Variants in ZNF609 observed in about 807,000 individuals in gnomAD.
ZNF609 encodes the protein zinc finger protein 609.
ZNF609 carries 11 observed loss-of-function variants against 109.5 expected under a neutral mutation model. That is an observed-to-expected ratio of 0.10 (90% CI 0.06 to 0.17). The LOEUF (loss-of-function observed/expected upper bound fraction) is 0.17, where lower values mean the gene tolerates loss of function less well. ZNF609 is among the 10% of genes least tolerant of loss of function. ZNF609 has a pLI of 1.00. For missense variants in ZNF609, 1,559 were observed against 1,772.4 expected, an observed-to-expected ratio of 0.88 and a Z score of 2.16; for synonymous variants, 646 against 662.0, an observed-to-expected ratio of 0.98 and a Z score of 0.37.
intron 2 of ZNF609, among the ~76,000 whole-genome samples, chr15:64,599,182 T>G (rs1277503417): frequency 6.8e-6 from 1 of 147,980 alleles, no homozygotes; most frequent in African/African-American, 2.5e-5. Context: ...TTTTTTTTTT[T>G]TTTTTTTTTT....
intron 3 of ZNF609, among the ~76,000 whole-genome samples, chr15:64,633,294 T>C (rs1188777340): frequency 1.3e-5 from 2 of 152,110 alleles, no homozygotes; most frequent in Non-Finnish European, 2.9e-5. Flanking sequence ...ACTACAGGCA[T>C]GTGCCACCCC....
intron 2 of ZNF609, among the ~76,000 whole-genome samples, chr15:64,611,299 C>T (rs1385374022): frequency 6.6e-6 from 1 of 152,140 alleles, no homozygotes; most frequent in East Asian, 1.9e-4. Flanking sequence ...AGTTAATAAG[C>T]TTTGCTGAAG....
intron 2 of ZNF609, among the ~76,000 whole-genome samples, chr15:64,567,880 C>T (rs1245637462): frequency 6.6e-6 from 1 of 152,036 alleles, no homozygotes; most frequent in Non-Finnish European, 1.5e-5. Context: ...CCAGGATGGT[C>T]TCGATCTCCT....
At chr15:64,508,347 A>T (rs1893666016) in intron 2 of ZNF609, among the ~76,000 whole-genome samples, 1 of 152,146 alleles carries the variant, frequency 6.6e-6, no homozygotes, top group Non-Finnish European at 1.5e-5. Flanking sequence ...AAGTTTATAA[A>T]TATTCTGTCC....
At position 64,678,440 on chromosome 15, in the gene ZNF609, A is replaced by G; in HGVS notation, c.3727A>G (p.Ser1243Gly). 6.2e-7 allele frequency: 1 copy of G among 1,605,412 alleles called. No homozygotes were observed. The highest frequency in any genetic ancestry group is 8.5e-7 in the Non-Finnish European group (1 of 1,175,374). The change falls in exon 6 of 10, where the codon AGC (serine) becomes GGC (glycine). Residue 1243 changes from serine to glycine, a missense_variant. Ser to Gly is a moderately conservative substitution (Grantham distance 56). Around this residue, in one of 4 missense-constraint regions of ZNF609, gnomAD observed 1,204 missense variants for 1,314.1 expected, o/e 0.92. Transcript: ENST00000326648. The part of the protein sequence containing the change: ...YSQSYDPNHP[S>G]YRSMPAVMMQ... ...TCAGTCCTACGACCCCAACCACCCC[A>G]GCTACCGGAGCATGCCTGCTGTGAT...
intron 1 of ZNF609, among the ~76,000 whole-genome samples, chr15:64,477,623 C>T (rs1596377238): frequency 7.0e-6 from 1 of 142,650 alleles, no homozygotes; most frequent in South Asian, 2.2e-4. Context: ...GTCTTATTTC[C>T]TTTTTTTTTT....
At chr15:64,644,992 TCTTTCTTTCTTTCTTTCTTC>T (rs1896310199) in intron 3 of ZNF609, among the ~76,000 whole-genome samples, 2 of 150,738 alleles carry the variant, frequency 1.3e-5, no homozygotes, top group African/African-American at 4.9e-5. Context: ...TTTCTTTCTT[TCTTTCTTTCTTTCTTTCTTC>T]CTTCCTTCCT....
In ZNF609 at chr15:64,500,125, G is replaced by A; in HGVS notation, c.706G>A (p.Glu236Lys). 1 of 1,613,964 alleles carries A rather than the reference G, an allele frequency of 6.2e-7. No homozygotes were observed. Among genetic ancestry groups the A allele is most frequent in the South Asian group, 1.1e-5 (1 of 91,076 alleles). ...LGTKPEPEEG[E>K]NECRLLKKVK... ...AACTAAACCGGAGCCAGAGGAAGGG[G>A]AGAATGAGTGTCGCCTGCTAAAGAA... Residue 236 changes from glutamate to lysine, a missense_variant, in exon 2 of 10, where the codon GAG (glutamate) becomes AAG (lysine). Coordinates refer to ENST00000326648, the MANE Select transcript of ZNF609 (RefSeq NM_015042.2).
At chr15:64,605,735 CTT>C (rs750562675) in intron 2 of ZNF609, among the ~76,000 whole-genome samples, 16 of 134,234 alleles carry the variant, frequency 1.2e-4, no homozygotes, top group South Asian at 2.4e-4. Context: ...CTTTTTCTTT[CTT>C]TTTTTTTTTT....
At chr15:64,515,662 C>T (rs774513980) in intron 2 of ZNF609, among the ~76,000 whole-genome samples, 35 of 152,084 alleles carry the variant, frequency 2.3e-4, no homozygotes, top group Non-Finnish European at 4.9e-4. Context: ...TAAGGCTGGG[C>T]GCAGTGGCTC....
chr15:64,567,508 T>TA (rs2140410363), intron 2 of ZNF609, among the ~76,000 whole-genome samples: 1 of 151,988 alleles, frequency 6.6e-6, no homozygotes, highest in South Asian at 2.1e-4. Flanking sequence ...ACATTCCATC[T>TA]AAAAAAATTA....
chr15:64,464,349 C>T (rs1892982404), intron 1 of ZNF609, among the ~76,000 whole-genome samples: 1 of 152,228 alleles, frequency 6.6e-6, no homozygotes, highest in African/African-American at 2.4e-5. Context: ...GAAGTTCCCA[C>T]TCTGCTTCCT....
chr15:64,510,467 A>C (rs1893708169), intron 2 of ZNF609, among the ~76,000 whole-genome samples: 1 of 151,976 alleles, frequency 6.6e-6, no homozygotes, highest in South Asian at 2.1e-4. Flanking sequence ...CAGCCTCCCA[A>C]AGTGCTGGGA....
chr15:64,467,715 C>A (rs546568274), intron 1 of ZNF609, among the ~76,000 whole-genome samples: 1 of 152,194 alleles, frequency 6.6e-6, no homozygotes, highest in African/African-American at 2.4e-5. Context: ...CATGGTGGCG[C>A]ACGTCTGTAG....
At chr15:64,559,164 A>T (rs1894639012) in intron 2 of ZNF609, among the ~76,000 whole-genome samples, 1 of 152,186 alleles carries the variant, frequency 6.6e-6, no homozygotes, top group African/African-American at 2.4e-5. Flanking sequence ...ATAAATGTAA[A>T]TTTTTTAAAT....
At chr15:64,564,541 CAGTT>C (rs1894743272) in intron 2 of ZNF609, among the ~76,000 whole-genome samples, 1 of 151,846 alleles carries the variant, frequency 6.6e-6, no homozygotes, top group South Asian at 2.1e-4. Context: ...AAGTAAAAAG[CAGTT>C]TGTTTTGTTT....
In ZNF609 at chr15:64,606,508, G is replaced by A. The variant is rs1267695604; in HGVS notation, c.748-16319G>A. Among the ~76,000 whole-genome samples, 13 of 144,346 alleles carry A rather than the reference G, an allele frequency of 9.0e-5. No homozygotes were observed. In the Admixed American group the frequency reaches 9.2e-4, roughly 10 times the overall value. The allele number at this position is 144,346 out of a possible 152,430, so 94.7% of individuals were successfully genotyped here. On this transcript the variant is annotated intron_variant, in intron 2 of 9. Coordinates refer to ENST00000326648, the MANE Select transcript of ZNF609 (RefSeq NM_015042.2). ...CGGGAGGCAGAGGTTGCAGTGAGCC[G>A]AGACCATGCCACTGCACTCCAGCCT...
intron 2 of ZNF609, among the ~76,000 whole-genome samples, chr15:64,574,738 C>T (rs1567018315): frequency 5.9e-5 from 9 of 152,148 alleles, no homozygotes. Flanking sequence ...CCCCCTCCCT[C>T]CTCTCTATTT....
chr15:64,597,264 G>A (rs72742943), intron 2 of ZNF609, among the ~76,000 whole-genome samples: 7,313 of 152,124 alleles, frequency 0.048, 236 homozygotes, highest in South Asian at 0.085. Context: ...GCTGGCAGAC[G>A]GGCACTTTTC....
Sources: gnomAD v4.1 joint callset for allele counts (sites outside exome capture counted in the v4.1 genomes callset) on GRCh38, gnomAD v4.1.1 for gene constraint, gnomAD v4.1.1 regional missense constraint, MANE v1.5 for transcripts, NCBI Gene and HGNC (gene_info 2026-07-23, HGNC 2026-07-21) for gene names.